Variants in MFAP5 observed in about 807,000 individuals in gnomAD.
MFAP5 encodes the protein microfibrillar-associated protein 5.
Under a neutral mutation model 30.1 loss-of-function variants are expected in MFAP5, and 19 were observed. The ratio of observed to expected loss-of-function variants is 0.63; its 90% CI spans 0.44 to 0.93. The LOEUF (loss-of-function observed/expected upper bound fraction) is 0.93. MFAP5 is among the 40% of genes least tolerant of loss of function. The pLI is 0.00. For synonymous variants in MFAP5, 92 were observed against 72.9 expected (o/e 1.26, Z -1.33); for missense variants, 210 against 221.3 (o/e 0.95, Z 0.32).
At chr12:8,659,981 A>G (rs564407915) in intron 3 of MFAP5, among the ~76,000 whole-genome samples, 1 of 152,116 alleles carries the variant, frequency 6.6e-6, no homozygotes, top group Non-Finnish European at 1.5e-5. Context: ...ATAAATTATA[A>G]TTATGTTGAA....
At chr12:8,648,773 A>G (rs866738566) in intron 9 of MFAP5, among the ~76,000 whole-genome samples, 1 of 152,102 alleles carries the variant, frequency 6.6e-6, no homozygotes, top group African/African-American at 2.4e-5. Flanking sequence ...TACAGCTCTT[A>G]CTCAGGAACT....
At chr12:8,655,078 G>C (rs760719145) in intron 5 of MFAP5, among the ~76,000 whole-genome samples, 24 of 152,098 alleles carry the variant, frequency 1.6e-4, no homozygotes, top group Admixed American at 7.2e-4. Context: ...AGGAGTTCAA[G>C]ACCAGCTCGG....
At chr12:8,651,519 A>T in intron 7 of MFAP5, 143 bp downstream of exon 7, 1 of 804,862 alleles carries the variant, frequency 1.2e-6, no homozygotes, top group East Asian at 2.6e-5. Context: ...AAAAAGAGTA[A>T]GGGAGTGAAG....
chr12:8,659,738 T>A lies in MFAP5; in HGVS notation c.94+1125A>T, dbSNP rs182440015. On this transcript the variant is annotated intron_variant, in intron 3 of 9. Transcript: ENST00000359478. ...ACTGCAAGAAAAATATACTGTACCC[T>A]GGTATATACATATGGAAAACTAAGA... 3.3e-5 allele frequency among the ~76,000 whole-genome samples: 5 copies of A among 152,350 alleles called. No homozygotes were observed. In the East Asian group the frequency reaches 7.7e-4, roughly 23 times the overall value.
At chr12:8,649,814 C>T (rs773660637) in intron 8 of MFAP5, among the ~76,000 whole-genome samples, 5 of 152,224 alleles carry the variant, frequency 3.3e-5, no homozygotes, top group African/African-American at 9.6e-5. Context: ...TTTTGGTGTA[C>T]AGGTGGTTTT....
chr12:8,657,064 T>A (rs12817900), intron 3 of MFAP5, among the ~76,000 whole-genome samples: 9,839 of 152,276 alleles, frequency 0.065, 406 homozygotes, highest in Non-Finnish European at 0.083. Context: ...TATGGATATG[T>A]GAATTTGCTT....
At chr12:8,657,992 T>A (rs780388226) in intron 3 of MFAP5, among the ~76,000 whole-genome samples, 6 of 152,176 alleles carry the variant, frequency 3.9e-5, no homozygotes, top group Non-Finnish European at 7.4e-5. Flanking sequence ...GAAATACAAA[T>A]AAAGCATTTC....
chr12:8,653,050 G>A (rs1941879889), intron 6 of MFAP5, among the ~76,000 whole-genome samples: 1 of 152,050 alleles, frequency 6.6e-6, no homozygotes, highest in Non-Finnish European at 1.5e-5. Context: ...AAATTAGCCA[G>A]GCTTGGTGGT....
At chr12:8,650,364 A>T (rs1422889755) in intron 8 of MFAP5, 138 bp downstream of exon 8, 2 of 714,548 alleles carry the variant, frequency 2.8e-6, no homozygotes, top group Non-Finnish European at 4.9e-6. Flanking sequence ...TGGTACATTC[A>T]GCAATAACTA....
At chr12:8,660,952 A>T in intron 2 of MFAP5, 54 bp from the exon 3 acceptor site, 1 of 1,469,252 alleles carries the variant, frequency 6.8e-7, no homozygotes, top group Admixed American at 1.8e-5. Flanking sequence ...TATACCTCGT[A>T]ACCCTTTTAT....
chr12:8,652,476 A>G (rs1941863106), intron 6 of MFAP5, among the ~76,000 whole-genome samples: 1 of 147,484 alleles, frequency 6.8e-6, no homozygotes, highest in South Asian at 2.1e-4. Context: ...AAATAAATAA[A>G]TAAAGAATAA....
At position 8,648,119 on chromosome 12, in the gene MFAP5, A is replaced by C. The variant is rs779524438; in HGVS notation, c.494T>G (p.Val165Gly). 2 of 1,613,960 alleles carry C rather than the reference A, an allele frequency of 1.2e-6. No homozygotes were observed. The highest frequency in any genetic ancestry group is 3.3e-5 in the Admixed American group (2 of 60,024). ...CAGACCATTGGGTCTCTGCAAATCC[A>C]CATTTTCACAGGGAGGAAGTCGGAA... is the stretch of plus-strand genomic sequence containing the variant. ...NYFRLPPCEN[V>G]DLQRPNGL is the part of the protein sequence containing the mutation. The change falls in exon 10 of 10, where the codon GTG (valine) becomes GGG (glycine). Residue 165 changes from valine to glycine, a missense_variant. Transcript: ENST00000359478.
intron 7 of MFAP5, 89 bp from the exon 8 acceptor site, chr12:8,650,678 T>C: frequency 8.9e-7 from 1 of 1,125,398 alleles, no homozygotes; most frequent in Admixed American, 2.0e-5. Flanking sequence ...ATAGATAGAG[T>C]AGGAAAAAAA....
Position 8,656,617 on chromosome 12 carries a change from T to C in MFAP5, c.95-787A>G, listed in dbSNP as rs12816891. 6.3e-4 allele frequency among the ~76,000 whole-genome samples: 81 copies of C among 129,568 alleles called. 3 individuals carry two copies. Among genetic ancestry groups the C allele is most frequent in the African/African-American group, 2.3e-3 (66 of 28,510 alleles). 85.0% of individuals were successfully genotyped at this position (129,568 alleles called of 152,430 possible). A position where few individuals can be genotyped will look rare whatever the true frequency, so the allele number is the denominator to read the frequency against. On this transcript the variant is annotated intron_variant, in intron 3 of 9. Coordinates refer to ENST00000359478, the MANE Select transcript of MFAP5 (RefSeq NM_003480.4). ...ACACACACACACACACACATATATA[T>C]ACACACATACACACACACACACACA...
At chr12:8,656,059 C>CTTTTTTT (rs11359613) in intron 3 of MFAP5, among the ~76,000 whole-genome samples, 5 of 113,858 alleles carry the variant, frequency 4.4e-5, no homozygotes, top group African/African-American at 1.7e-4. Context: ...ATTCATAATT[C>CTTTTTTT]TTTTTTTTTT....
At chr12:8,651,784 T>C (rs1303465959) in intron 6 of MFAP5, 93 bp from the exon 7 acceptor site, 2 of 1,143,914 alleles carry the variant, frequency 1.7e-6, no homozygotes, top group Middle Eastern at 2.0e-4. Context: ...CTGCTTGGAG[T>C]GCCCATAAAT....
chr12:8,657,566 CTTTTTTTTT>C (rs35916052), intron 3 of MFAP5, among the ~76,000 whole-genome samples: 1 of 128,110 alleles, frequency 7.8e-6, no homozygotes, highest in Non-Finnish European at 1.6e-5. Flanking sequence ...TTTGCTTTGA[CTTTTTTTTT>C]TTTTTTTTTT....
chr12:8,650,576 C>G lies in MFAP5; in HGVS notation c.261G>C (p.Glu87Asp), dbSNP rs1023523758. 6.2e-7 allele frequency: 1 copy of G among 1,613,826 alleles called. No homozygotes were observed. Among genetic ancestry groups the G allele is most frequent in the African/African-American group, 1.3e-5 (1 of 74,844 alleles). ...EKNTTAECWD[E>D]KFTCTRLYSV... is the part of the protein sequence containing the mutation. ...AGTAGAGCCTTGTGCAGGTAAATTT[C>G]TCATCCCAGCACTCTGAGGAAGCCC... Residue 87 changes from glutamate to aspartate, a missense_variant, in exon 8 of 10, where the codon GAG becomes GAC. Glu to Asp is a conservative substitution (Grantham distance 45). Transcript: ENST00000359478.
At chr12:8,653,646 G>A (rs768140397) in intron 6 of MFAP5, among the ~76,000 whole-genome samples, 1 of 152,080 alleles carries the variant, frequency 6.6e-6, no homozygotes, top group Admixed American at 6.5e-5. Context: ...CCCCAGCACC[G>A]AACCTAGTCA....
Sources: gnomAD v4.1 joint callset for allele counts (sites outside exome capture counted in the v4.1 genomes callset) on GRCh38, gnomAD v4.1.1 for gene constraint, MANE v1.5 for transcripts, NCBI Gene and HGNC (gene_info 2026-07-23, HGNC 2026-07-21) for gene names.